Variants in ADGRB1 observed in about 807,000 individuals in gnomAD.
ADGRB1 encodes the protein adhesion G protein-coupled receptor B1.
In ADGRB1, 36 loss-of-function variants were observed where a neutral mutation model predicts 175.7. The observed-to-expected ratio is 0.20, with a 90% CI of 0.16 to 0.27. ADGRB1 has a LOEUF of 0.27. Among genes scored for constraint, ADGRB1 ranks in the 10% least tolerant of loss-of-function variants. ADGRB1 has a pLI of 1.00. For missense variants in ADGRB1, 1,731 were observed against 2,255.3 expected (o/e 0.77, Z 4.71); for synonymous variants, 1,054 against 979.4 (o/e 1.08, Z -1.42).
At chr8:142,536,306 C>T (rs1230248693) in intron 25 of ADGRB1, among the ~76,000 whole-genome samples, 2 of 152,078 alleles carry the variant, frequency 1.3e-5, no homozygotes, top group Non-Finnish European at 2.9e-5. Flanking sequence ...GCTGGCCCCA[C>T]GGGAGGGACA....
Position 142,517,069 on chromosome 8 carries a change from C to T in ADGRB1, c.2818-1069C>T, listed in dbSNP as rs954225416. On this transcript the variant is annotated intron_variant, in intron 18 of 30. Coordinates refer to ENST00000517894, the MANE Select transcript of ADGRB1 (RefSeq NM_001702.3). ...TGCAGTGGCCAGAGGCACAGTCATG[C>T]GAAGAGGGGAAGGGTCTTCTGGGGG... Among the ~76,000 whole-genome samples, 7 of 151,942 alleles carry T rather than the reference C, an allele frequency of 4.6e-5. 1 individual carries two copies. The highest frequency in any genetic ancestry group is 1.5e-4 in the African/African-American group (6 of 41,350).
At position 142,477,564 on chromosome 8, in the gene ADGRB1, G is replaced by C; in HGVS notation, c.1387+15G>C. ...CCTGTGCCCTGGTAGGTGAGAGGGA[G>C]GGCGTAGGGGCAGGGAGGAAGGGAA... On this transcript the variant is annotated intron_variant, in intron 6 of 30. Transcript: ENST00000517894. 4.4e-6 allele frequency: 7 copies of C among 1,607,522 alleles called. No individual in the cohort carries two copies. Among genetic ancestry groups the C allele is most frequent in the Non-Finnish European group, 6.0e-6 (7 of 1,175,916 alleles).
At chr8:142,540,919 G>C (rs533738155) in intron 27 of ADGRB1, among the ~76,000 whole-genome samples, 12 of 152,182 alleles carry the variant, frequency 7.9e-5, no homozygotes, top group African/African-American at 2.9e-4. Flanking sequence ...TGAGGGGGAC[G>C]GGGAAGCCTG....
chr8:142,528,238 A>G (rs888743568), intron 24 of ADGRB1, among the ~76,000 whole-genome samples: 2 of 152,228 alleles, frequency 1.3e-5, no homozygotes, highest in Non-Finnish European at 1.5e-5. Context: ...TGGAAGGCGC[A>G]GCGGCCTCCC....
At position 142,488,493 on chromosome 8, in the gene ADGRB1, C is replaced by T; in HGVS notation, c.2438C>T (p.Ser813Phe). 1.2e-6 allele frequency: 2 copies of T among 1,612,698 alleles called. No homozygotes were observed. Among genetic ancestry groups the T allele is most frequent in the Non-Finnish European group, 1.7e-6 (2 of 1,179,724 alleles). The stretch of plus-strand genomic sequence containing the variant: ...GTCACTGTGTCCAAGAGTGTCTTCT[C>T]CACGGGGCTGACAGGTGAGGGGCCC... ...DRVTVSKSVFSTGLTEADEAS... is the reference protein window; with the variant it reads ...DRVTVSKSVFFTGLTEADEAS... The change falls in exon 14 of 31, where the codon TCC (serine) becomes TTC (phenylalanine). Residue 813 changes from serine (S) to phenylalanine (F), a missense_variant. Ser to Phe is a radical substitution (Grantham distance 155). Coordinates refer to ENST00000517894, the MANE Select transcript of ADGRB1 (RefSeq NM_001702.3).
At position 142,467,209 on chromosome 8, in the gene ADGRB1, G is replaced by A. The variant is rs895933513; in HGVS notation, c.784+2227G>A. 3.9e-5 allele frequency among the ~76,000 whole-genome samples: 6 copies of A among 152,356 alleles called. No individual in the cohort carries two copies. In the East Asian group the frequency reaches 7.7e-4, roughly 20 times the overall value. The stretch of plus-strand genomic sequence containing the variant: ...TCGGGCCTCCCGTGGGAGATCCCAC[G>A]TTATCTTGGGAACCCAAGGGCCTTA... On this transcript the variant is annotated intron_variant, in intron 2 of 30. Transcript: ENST00000517894.
At chr8:142,497,316 A>C (rs1276754402) in intron 17 of ADGRB1, among the ~76,000 whole-genome samples, 5 of 152,136 alleles carry the variant, frequency 3.3e-5, no homozygotes, top group Non-Finnish European at 7.4e-5. Context: ...TGGTCCCTTT[A>C]AGAGCCTCTC....
intron 1 of ADGRB1, among the ~76,000 whole-genome samples, chr8:142,454,626 C>G (rs1268663015): frequency 6.6e-6 from 1 of 152,112 alleles, no homozygotes; most frequent in African/African-American, 2.4e-5. Flanking sequence ...GGGTGCTGGC[C>G]CTGCGTTCTG....
chr8:142,482,960 CCCTGGTCACACTGAGCCCAGAT>C (rs1841441571), intron 11 of ADGRB1, among the ~76,000 whole-genome samples: 2 of 150,634 alleles, frequency 1.3e-5, no homozygotes, highest in African/African-American at 2.4e-5. Context: ...TGAGCCCTGA[CCCTGGTCACACTGAGCCCAGAT>C]CCTGGTCACA....
intron 9 of ADGRB1, 143 bp downstream of exon 9, chr8:142,479,937 C>T: frequency 1.1e-6 from 1 of 889,476 alleles, no homozygotes; most frequent in South Asian, 1.8e-5. Context: ...GGTGGTGGGG[C>T]CGCGAGCCCA....
chr8:142,459,610 C>T (rs866199093), intron 1 of ADGRB1, among the ~76,000 whole-genome samples: 11 of 152,362 alleles, frequency 7.2e-5, no homozygotes, highest in East Asian at 1.9e-4. Context: ...CCCACAGCCA[C>T]GTGGCCTTGT....
At position 142,511,094 on chromosome 8, in the gene ADGRB1, G is replaced by GCGGGAGGGGCGC; in HGVS notation, c.2817+26_2817+37dup. ...ACGCGGTGAGACCCCGGCCGGGCCG[G>GCGGGAGGGGCGC]CGGGAGGGGCGCCGGGCAGGGGCGC... On this transcript the variant is annotated intron_variant, in intron 18 of 30. Coordinates refer to ENST00000517894, the MANE Select transcript of ADGRB1 (RefSeq NM_001702.3). This position sits in a 1 kb window ranked among gnomAD's most constrained non-coding sequence, Gnocchi z 4.5. The GCGGGAGGGGCGC allele has an allele frequency of 9.2e-7, 1 of 1,090,904 alleles. No individual in the cohort carries two copies. The highest frequency in any genetic ancestry group is 1.7e-5 in the African/African-American group (1 of 59,224). 67.6% of individuals were successfully genotyped at this position (1,090,904 alleles called of 1,614,324 possible).
chr8:142,469,402 C>G (rs1036681075), intron 2 of ADGRB1, among the ~76,000 whole-genome samples: 3 of 139,288 alleles, frequency 2.2e-5, no homozygotes, highest in Non-Finnish European at 3.1e-5. Flanking sequence ...TGTGCACATG[C>G]AGATGTGAAT....
chr8:142,533,210 C>A, intron 24 of ADGRB1, 85 bp from the exon 25 acceptor site: 1 of 1,363,752 alleles, frequency 7.3e-7, no homozygotes, highest in South Asian at 1.5e-5. Context: ...TGGGTCCCCA[C>A]CGAGGCCTGG....
intron 1 of ADGRB1, among the ~76,000 whole-genome samples, chr8:142,454,630 C>A (rs542002973): frequency 1.3e-5 from 2 of 152,226 alleles, no homozygotes; most frequent in South Asian, 4.1e-4. Flanking sequence ...GCTGGCCCTG[C>A]GTTCTGCTCT....
Position 142,477,500 on chromosome 8 carries a change from T to C in ADGRB1, c.1338T>C (p.Cys446=). ...CRPPQFGGNP[C]EGPEKQTKFC... ...CCCCCCAGTTTGGGGGCAACCCCTG[T>C]GAGGGCCCTGAGAAGCAAACCAAGT... The change falls in exon 6 of 31, where the codon TGT becomes TGC. Residue 446 remains cysteine, a synonymous_variant. Coordinates refer to ENST00000517894, the MANE Select transcript of ADGRB1 (RefSeq NM_001702.3). The C allele has an allele frequency of 6.2e-7, 1 of 1,613,162 alleles. No individual in the cohort carries two copies. Among genetic ancestry groups the C allele is most frequent in the East Asian group, 2.2e-5 (1 of 44,878 alleles).
rs1189594299 is a variant in ADGRB1, at chr8:142,475,402, C to T, written c.785-72C>T. On this transcript the variant is annotated intron_variant, in intron 2 of 30. Transcript: ENST00000517894. ...CGGGCCGGCCTCGGCGGGCTTAGCA[C>T]CCCCATGACTTACCCGTCCAGGCCA... 4.1e-6 allele frequency: 5 copies of T among 1,233,564 alleles called. No homozygotes were observed. The African/African-American group carries it at 6.2e-5, about 15-fold the overall frequency. 76.4% of individuals were successfully genotyped at this position (1,233,564 alleles called of 1,614,324 possible).
At chr8:142,507,978 G>C (rs567601092) in intron 17 of ADGRB1, among the ~76,000 whole-genome samples, 1 of 152,024 alleles carries the variant, frequency 6.6e-6, no homozygotes, top group Admixed American at 6.6e-5. Context: ...GGCCCTCTCG[G>C]TGGGAGATGG....
rs1843038547 is a variant in ADGRB1, at chr8:142,510,595, G to A, written c.2676-337G>A. Reference sequence around the variant, plus strand: ...GGCGCGGGCCCCGGAGGAGCTGGGGGCGGCGGGGGCGCGGGGCGGGCGACT... The same window carrying A: ...GGCGCGGGCCCCGGAGGAGCTGGGGACGGCGGGGGCGCGGGGCGGGCGACT... On this transcript the variant is annotated intron_variant, in intron 17 of 30. Coordinates refer to ENST00000517894, the MANE Select transcript of ADGRB1 (RefSeq NM_001702.3). This position sits in a 1 kb window ranked among gnomAD's most constrained non-coding sequence, Gnocchi z 6.3. Among the ~76,000 whole-genome samples the A allele has an allele frequency of 6.8e-6, 1 of 146,794 alleles. No homozygotes were observed. The highest frequency in any genetic ancestry group is 1.5e-5 in the Non-Finnish European group (1 of 65,984).
Sources: allele counts gnomAD v4.1 joint callset (sites outside exome capture counted in the v4.1 genomes callset), GRCh38; gene constraint gnomAD v4.1.1; non-coding constraint Gnocchi (gnomAD v3.1); transcripts MANE v1.5; gene names NCBI Gene and HGNC (gene_info 2026-07-23, HGNC 2026-07-21).